The following FHOD3 variants were observed in gnomAD, a reference collection of about 807,000 sequenced individuals.
FHOD3 encodes the protein formin homology 2 domain containing 3, also known as FH1/FH2 domain-containing protein 3.
In FHOD3, 90 loss-of-function variants were observed where a neutral mutation model predicts 173.0. The ratio of observed to expected loss-of-function variants is 0.52; its 90% CI spans 0.44 to 0.62. The LOEUF is 0.62. FHOD3 is among the 20% of genes least tolerant of loss of function. The pLI is 0.00. For synonymous variants in FHOD3, 828 were observed against 823.0 expected (o/e 1.01, Z -0.10); for missense variants, 1,945 against 2,034.7 (o/e 0.96, Z 0.85).
rs556717863 is a variant in FHOD3 at position 36,495,118 on chromosome 18, T to C, written c.338-6814T>C. ...CCCCTGGCTAATTTTTGTATTTTTT[T>C]TTTGTAGAGGCAGGATTTCACCAGG... On this transcript the variant is annotated intron_variant, in intron 3 of 28. Transcript: ENST00000590592. 2.0e-4 allele frequency among the ~76,000 whole-genome samples: 30 copies of C among 152,208 alleles called. No homozygotes were observed. In the South Asian group the frequency reaches 5.8e-3, roughly 29 times the overall value.
chr18:36,318,461 C>T (rs909962026), intron 1 of FHOD3, among the ~76,000 whole-genome samples: 2 of 152,096 alleles, frequency 1.3e-5, no homozygotes, highest in Non-Finnish European at 2.9e-5. Flanking sequence ...AAGTTGGATT[C>T]CTAGGTATTG....
At chr18:36,337,544 A>C (rs2045384025) in intron 1 of FHOD3, among the ~76,000 whole-genome samples, 1 of 152,154 alleles carries the variant, frequency 6.6e-6, no homozygotes, top group Non-Finnish European at 1.5e-5. Context: ...GCTCTTTGGA[A>C]GGGCCATCCT....
intron 18 of FHOD3, among the ~76,000 whole-genome samples, chr18:36,717,530 G>A (rs1298154498): frequency 2.6e-5 from 4 of 152,138 alleles, no homozygotes; most frequent in African/African-American, 9.7e-5. Flanking sequence ...TGGCTGAGTA[G>A]GTCCTGACCC....
intron 10 of FHOD3, among the ~76,000 whole-genome samples, chr18:36,637,711 G>T (rs1319931666): frequency 6.6e-6 from 1 of 152,216 alleles, no homozygotes; most frequent in Non-Finnish European, 1.5e-5. Flanking sequence ...AAGCGAGCCA[G>T]CAGGGCCATG....
chr18:36,691,082 A>G (rs1004350735), intron 16 of FHOD3, among the ~76,000 whole-genome samples: 1 of 152,192 alleles, frequency 6.6e-6, no homozygotes, highest in Non-Finnish European at 1.5e-5. Flanking sequence ...AGGCTCTGGG[A>G]TGAGTGGCCC....
At chr18:36,726,235 C>G (rs1184228793) in intron 19 of FHOD3, among the ~76,000 whole-genome samples, 1 of 151,768 alleles carries the variant, frequency 6.6e-6, no homozygotes, top group Non-Finnish European at 1.5e-5. Context: ...AACTTCTTAT[C>G]CAGGAACATG....
At chr18:36,490,899 T>G (rs2054433505) in intron 3 of FHOD3, among the ~76,000 whole-genome samples, 1 of 152,164 alleles carries the variant, frequency 6.6e-6, no homozygotes, top group Admixed American at 6.5e-5. Context: ...ACCCTTCCCT[T>G]TAGGAACTCA....
intron 7 of FHOD3, among the ~76,000 whole-genome samples, chr18:36,602,393 A>T (rs2031509616): frequency 6.6e-6 from 1 of 152,184 alleles, no homozygotes; most frequent in Admixed American, 6.5e-5. Flanking sequence ...TACATATTTA[A>T]TATGAAGAAA....
At chr18:36,455,239 G>C (rs1249861043) in intron 3 of FHOD3, among the ~76,000 whole-genome samples, 1 of 152,146 alleles carries the variant, frequency 6.6e-6, no homozygotes, top group Non-Finnish European at 1.5e-5. Flanking sequence ...CAGATATCCT[G>C]CAGCAAACCT....
intron 8 of FHOD3, among the ~76,000 whole-genome samples, chr18:36,605,034 A>G (rs1338665551): frequency 6.6e-6 from 1 of 152,096 alleles, no homozygotes; most frequent in Non-Finnish European, 1.5e-5. Context: ...CACCCAGGAA[A>G]CTCCTATAAC....
At chr18:36,316,880 C>A (rs978342710) in intron 1 of FHOD3, among the ~76,000 whole-genome samples, 7 of 152,090 alleles carry the variant, frequency 4.6e-5, no homozygotes, top group African/African-American at 1.2e-4. Context: ...ACAGCCCCCC[C>A]ACCCCCTGAC....
rs968141468 is a variant in FHOD3, at chr18:36,625,601, G to T, written c.1048G>T (p.Gly350Cys). ...GAGGAGGGCCAGCGTGTGTTCCAGT[G>T]GCGGAGGCGAGCACCGGGGCCTGGA... Reference protein sequence around the residue: ...DRRRASVCSSGGGEHRGLDRR... With the variant: ...DRRRASVCSSCGGEHRGLDRR... Residue 350 changes from glycine (G) to cysteine (C), a missense_variant, in exon 10 of 29, where the codon GGC becomes TGC. Around this residue, in one of 5 missense-constraint regions of FHOD3, gnomAD observed 1,099 missense variants for 1,051.2 expected, o/e 1.05. Transcript: ENST00000590592. 1.9e-6 allele frequency: 3 copies of T among 1,583,158 alleles called. No individual in the cohort carries two copies. Among genetic ancestry groups the T allele is most frequent in the Admixed American group, 1.7e-5 (1 of 57,764 alleles).
At chr18:36,595,858 C>T (rs1464965338) in intron 7 of FHOD3, among the ~76,000 whole-genome samples, 1 of 152,150 alleles carries the variant, frequency 6.6e-6, no homozygotes, top group African/African-American at 2.4e-5. Context: ...ATCATCATCC[C>T]CACAAAGACT....
At chr18:36,588,953 G>A (rs2059125866) in intron 6 of FHOD3, among the ~76,000 whole-genome samples, 1 of 152,258 alleles carries the variant, frequency 6.6e-6, no homozygotes, top group South Asian at 2.1e-4. Context: ...CTGACATTGA[G>A]CCCTGTGTTA....
intron 7 of FHOD3, among the ~76,000 whole-genome samples, chr18:36,596,822 A>G (rs1269644597): frequency 6.6e-6 from 1 of 152,150 alleles, no homozygotes; most frequent in African/African-American, 2.4e-5. Context: ...CTAGGTAGAA[A>G]GACCCTTATG....
chr18:36,419,766 A>T (rs1167563418), intron 3 of FHOD3, among the ~76,000 whole-genome samples: 1 of 152,160 alleles, frequency 6.6e-6, no homozygotes, highest in Admixed American at 6.5e-5. Flanking sequence ...GCATTGTCTC[A>T]TGTGGCCACA....
chr18:36,779,903 C>T lies in FHOD3; in HGVS notation c.*373C>T, dbSNP rs2043958428. 1 of 425,558 alleles carries T rather than the reference C, an allele frequency of 2.3e-6. No homozygotes were observed. Among genetic ancestry groups the T allele is most frequent in the African/African-American group, 2.0e-5 (1 of 49,790 alleles). The allele number at this position is 425,558 out of a possible 1,614,324, so 26.4% of individuals were successfully genotyped here. ...ATTAGCTTCACAGACTGAGTCTCCA[C>T]AACACCAAAATATCCAGATGTAAAC... is the stretch of plus-strand genomic sequence containing the variant. On this transcript the variant is annotated 3_prime_UTR_variant, in exon 29 of 29. Transcript: ENST00000590592.
intron 3 of FHOD3, among the ~76,000 whole-genome samples, chr18:36,447,388 G>A (rs868112357): frequency 6.6e-6 from 1 of 152,166 alleles, no homozygotes; most frequent in African/African-American, 2.4e-5. Flanking sequence ...GGGACATGAC[G>A]TGTGATTGGG....
intron 3 of FHOD3, among the ~76,000 whole-genome samples, chr18:36,493,376 A>G (rs2054572384): frequency 6.6e-6 from 1 of 152,108 alleles, no homozygotes; most frequent in Non-Finnish European, 1.5e-5. Flanking sequence ...ATCAGCAGGT[A>G]ATAATGGAGT....
Sources: gnomAD v4.1 joint callset for allele counts (sites outside exome capture counted in the v4.1 genomes callset) on GRCh38, gnomAD v4.1.1 for gene constraint, gnomAD v4.1.1 regional missense constraint, MANE v1.5 for transcripts, NCBI Gene and HGNC (gene_info 2026-07-23, HGNC 2026-07-21) for gene names.